The following LRRTM4 variants were observed in gnomAD, a reference collection of about 807,000 sequenced individuals.
LRRTM4 encodes leucine-rich repeat transmembrane neuronal protein 4.
A neutral mutation model predicts 47.6 loss-of-function variants in LRRTM4; 25 were observed. The ratio of observed to expected loss-of-function variants is 0.53; its 90% CI spans 0.38 to 0.73. The LOEUF (loss-of-function observed/expected upper bound fraction) is 0.73, where lower values mean the gene tolerates loss of function less well. LRRTM4 is among the 30% of genes least tolerant of loss of function. LRRTM4 has a pLI of 0.00. For missense variants in LRRTM4, 638 were observed against 713.4 expected (o/e 0.89, Z 1.20); for synonymous variants, 311 against 269.5 (o/e 1.15, Z -1.51).
At chr2:77,146,709 AT>A (rs1672270122) in intron 3 of LRRTM4, among the ~76,000 whole-genome samples, 1 of 152,086 alleles carries the variant, frequency 6.6e-6, no homozygotes, top group Non-Finnish European at 1.5e-5. Flanking sequence ...ACATTTTGCT[AT>A]TTCACTCTAA....
At chr2:77,473,040 C>T (rs1277997811) in intron 3 of LRRTM4, among the ~76,000 whole-genome samples, 1 of 151,958 alleles carries the variant, frequency 6.6e-6, no homozygotes, top group Non-Finnish European at 1.5e-5. Context: ...CTGGAAGCAG[C>T]CTAGAGTAGA....
intron 3 of LRRTM4, among the ~76,000 whole-genome samples, chr2:77,484,434 G>T (rs12997025): frequency 0.21 from 32,069 of 152,120 alleles, 3,717 homozygotes; most frequent in Middle Eastern, 0.3. Context: ...TGTATTTAAA[G>T]GAATAATTAT....
chr2:76,974,141 CATATAT>C (rs903329787), intron 3 of LRRTM4, among the ~76,000 whole-genome samples: 10 of 82,380 alleles, frequency 1.2e-4, no homozygotes, highest in African/African-American at 8.1e-4. Context: ...CATATATATA[CATATAT>C]ATACATACAT....
Position 77,522,223 on chromosome 2 carries a change from A to C in LRRTM4, c.-262T>G. On this transcript the variant is annotated 5_prime_UTR_variant, in exon 1 of 4. Coordinates refer to ENST00000409884, the MANE Select transcript of LRRTM4 (RefSeq NM_001134745.3). ...TGTGCTGTATGAGACCCCAGTTTAA[A>C]AGCTATGCAGGCTAGGTTTATCCAT... The C allele has an allele frequency of 1.5e-6, 1 of 685,096 alleles. No homozygotes were observed. The highest frequency in any genetic ancestry group is 2.7e-6 in the Non-Finnish European group (1 of 370,576). The allele number at this position is 685,096 out of a possible 1,614,324, so 42.4% of individuals were successfully genotyped here.
chr2:77,325,124 ACT>A (rs896974653), intron 3 of LRRTM4, among the ~76,000 whole-genome samples: 2 of 151,914 alleles, frequency 1.3e-5, no homozygotes, highest in African/African-American at 4.8e-5. Context: ...GTGATATACC[ACT>A]CTACATTCTT....
chr2:76,843,704 G>A (rs1292442926), intron 3 of LRRTM4, among the ~76,000 whole-genome samples: 1 of 152,126 alleles, frequency 6.6e-6, no homozygotes, highest in Non-Finnish European at 1.5e-5. Context: ...TGGAGGAAGG[G>A]AGTTGGAGAA....
At chr2:76,812,673 C>CTTTTTCTTTCTTTCTTTCTTTCTT in intron 3 of LRRTM4, among the ~76,000 whole-genome samples, 1 of 147,818 alleles carries the variant, frequency 6.8e-6, no homozygotes, top group East Asian at 2.0e-4. Context: ...TACAAATAAG[C>CTTTTTCTTTCTTTCTTTCTTTCTT]TCTTTCTTTC....
chr2:77,141,733 C>G (rs774077635), intron 3 of LRRTM4, among the ~76,000 whole-genome samples: 13 of 152,170 alleles, frequency 8.5e-5, no homozygotes, highest in Admixed American at 3.9e-4. Flanking sequence ...ACATTTGTTA[C>G]TGGCTCCCAA....
rs142660125 is a variant in LRRTM4 at position 77,077,807 on chromosome 2, A to G, written c.1552-328891T>C. On this transcript the variant is annotated intron_variant, in intron 3 of 3. Coordinates refer to ENST00000409884, the MANE Select transcript of LRRTM4 (RefSeq NM_001134745.3). ...ACATACCCAACAACTTCTAAAAACAATAAGTTGACCCATATTGAAGGAGTT... is the reference window on the plus strand; with the variant it reads ...ACATACCCAACAACTTCTAAAAACAGTAAGTTGACCCATATTGAAGGAGTT... Among the ~76,000 whole-genome samples the G allele has an allele frequency of 3.1e-3, 475 of 152,296 alleles. 3 individuals carry two copies. The highest frequency in any genetic ancestry group is 0.011 in the African/African-American group (456 of 41,566).
At chr2:77,160,229 G>A (rs1308067821) in intron 3 of LRRTM4, among the ~76,000 whole-genome samples, 3 of 152,162 alleles carry the variant, frequency 2.0e-5, no homozygotes, top group Non-Finnish European at 2.9e-5. Flanking sequence ...TTTCTGGCTT[G>A]ATGGCTTTCA....
chr2:77,093,488 C>T (rs1332985809), intron 3 of LRRTM4, among the ~76,000 whole-genome samples: 20 of 151,836 alleles, frequency 1.3e-4, no homozygotes, highest in African/African-American at 3.4e-4. Flanking sequence ...TTACACAAGA[C>T]TTCCCTTCAG....
At chr2:76,897,975 C>A (rs566133089) in intron 3 of LRRTM4, among the ~76,000 whole-genome samples, 3 of 152,224 alleles carry the variant, frequency 2.0e-5, no homozygotes, top group African/African-American at 4.8e-5. Context: ...ATAATTTAAT[C>A]TTTTTATGTT....
chr2:77,486,610 C>T (rs114978451), intron 3 of LRRTM4, among the ~76,000 whole-genome samples: 3,205 of 152,182 alleles, frequency 0.021, 123 homozygotes, highest in African/African-American at 0.074. Flanking sequence ...AAACACAGGA[C>T]ATACCAGTTA....
intron 3 of LRRTM4, among the ~76,000 whole-genome samples, chr2:77,297,347 G>T (rs1325136575): frequency 6.6e-6 from 1 of 152,032 alleles, no homozygotes; most frequent in South Asian, 2.1e-4. Context: ...AATTTAATGA[G>T]ACTGATTATT....
At chr2:77,339,262 TG>T (rs1671280478) in intron 3 of LRRTM4, among the ~76,000 whole-genome samples, 1 of 152,028 alleles carries the variant, frequency 6.6e-6, no homozygotes, top group African/African-American at 2.4e-5. Context: ...TTTAAAAAAC[TG>T]TAATTGTTTT....
chr2:77,062,955 C>CTTT (rs10706500), intron 3 of LRRTM4, among the ~76,000 whole-genome samples: 1 of 108,380 alleles, frequency 9.2e-6, no homozygotes, highest in Non-Finnish European at 1.9e-5. Context: ...TTATTATTAT[C>CTTT]TTTTTTTTTT....
At chr2:77,324,017 C>A (rs544130052) in intron 3 of LRRTM4, among the ~76,000 whole-genome samples, 1 of 152,154 alleles carries the variant, frequency 6.6e-6, no homozygotes, top group South Asian at 2.1e-4. Context: ...TGCATTTATT[C>A]ATTTTCAGAT....
At chr2:77,034,664 C>T (rs1678774779) in intron 3 of LRRTM4, among the ~76,000 whole-genome samples, 1 of 151,710 alleles carries the variant, frequency 6.6e-6, no homozygotes, top group Non-Finnish European at 1.5e-5. Flanking sequence ...AATCCAGAGG[C>T]TTGTTTAGAT....
chr2:77,477,804 A>T (rs1003568937), intron 3 of LRRTM4, among the ~76,000 whole-genome samples: 1 of 145,852 alleles, frequency 6.9e-6, no homozygotes, highest in Non-Finnish European at 1.5e-5. Flanking sequence ...GCACCATCAC[A>T]CTCCAGCCTG....
Sources: gnomAD v4.1 joint callset for allele counts (sites outside exome capture counted in the v4.1 genomes callset) on GRCh38, gnomAD v4.1.1 for gene constraint, MANE v1.5 for transcripts, NCBI Gene and HGNC (gene_info 2026-07-23, HGNC 2026-07-21) for gene names.